The following TBCK variants were observed in gnomAD, a reference collection of about 807,000 sequenced individuals.
TBCK encodes TBC domain-containing protein kinase-like protein.
In TBCK, 99 loss-of-function variants were observed where a neutral mutation model predicts 113.4. That is an observed-to-expected ratio of 0.87 (90% CI 0.74 to 1.03). The LOEUF (loss-of-function observed/expected upper bound fraction) is 1.03, where lower values mean the gene tolerates loss of function less well. Among genes scored for constraint, TBCK ranks in the 50% least tolerant of loss-of-function variants. The pLI, the probability that TBCK is intolerant of heterozygous loss-of-function variation, is 0.00. For missense variants in TBCK, 1,045 were observed against 1,061.3 expected, an observed-to-expected ratio of 0.98 and a Z score of 0.21; for synonymous variants, 369 against 370.8, an observed-to-expected ratio of 1.00 and a Z score of 0.05.
At chr4:106,172,420 A>G (rs1751141773) in intron 22 of TBCK, among the ~76,000 whole-genome samples, 1 of 152,096 alleles carries the variant, frequency 6.6e-6, no homozygotes, top group Non-Finnish European at 1.5e-5. Flanking sequence ...CGAAAGTAGA[A>G]AGATCACAGA....
chr4:106,113,849 C>T (rs1430398541), intron 24 of TBCK, among the ~76,000 whole-genome samples: 1 of 152,190 alleles, frequency 6.6e-6, no homozygotes, highest in African/African-American at 2.4e-5. Context: ...TTGGGCCCAT[C>T]TCTTAGATAC....
chr4:106,259,857 C>T (rs1390172925), intron 5 of TBCK, among the ~76,000 whole-genome samples: 1 of 151,882 alleles, frequency 6.6e-6, no homozygotes, highest in Non-Finnish European at 1.5e-5. Flanking sequence ...CTTGAATATG[C>T]ATGAAACAAC....
rs1373777005 is a variant in TBCK, at chr4:106,260,455, T to A, written c.437A>T (p.Asp146Val). 2 of 1,384,210 alleles carry A rather than the reference T, an allele frequency of 1.4e-6. No homozygotes were observed. Among genetic ancestry groups the A allele is most frequent in the Non-Finnish European group, 9.6e-7 (1 of 1,045,342 alleles). The allele number at this position is 1,384,210 out of a possible 1,614,324, so 85.7% of individuals were successfully genotyped here. Residue 146 changes from aspartate to valine, a missense_variant, in exon 5 of 26, where the codon GAT becomes GTT. Asp to Val is a radical substitution (Grantham distance 152). Transcript: ENST00000394708. ...GLYHMTAHGD[D>V]VDFPIGYPSY... The stretch of plus-strand genomic sequence containing the variant: ...TCCTTACCCTATTGGGAAATCAACA[T>A]CATCACCATGAGCTGTCATGTGATA...
chr4:106,082,604 A>AAAAT (rs1368678558), intron 25 of TBCK, among the ~76,000 whole-genome samples: 1 of 152,198 alleles, frequency 6.6e-6, no homozygotes, highest in Non-Finnish European at 1.5e-5. Flanking sequence ...AATAGAAAAA[A>AAAAT]AAATAGAAAA....
At chr4:106,215,840 T>C (rs1337090672) in intron 19 of TBCK, among the ~76,000 whole-genome samples, 1 of 151,692 alleles carries the variant, frequency 6.6e-6, no homozygotes, top group African/African-American at 2.4e-5. Context: ...ACCCAGGAAT[T>C]GAACTCAGCT....
At position 106,289,022 on chromosome 4, in the gene TBCK, T is replaced by C. The variant is rs560088705; in HGVS notation, c.266+6072A>G. ...TACTCCAAAATCTGGGAAAAACAAA[T>C]CCCAAATCCGAAACACTTCTGGTCC... On this transcript the variant is annotated intron_variant, in intron 3 of 25. Coordinates refer to ENST00000394708, the MANE Select transcript of TBCK (RefSeq NM_001163435.3). Among the ~76,000 whole-genome samples the C allele has an allele frequency of 2.6e-4, 40 of 152,244 alleles. No homozygotes were observed. The South Asian group carries it at 7.7e-3, about 29-fold the overall frequency.
intron 23 of TBCK, among the ~76,000 whole-genome samples, chr4:106,120,685 G>A (rs1744217768): frequency 6.6e-6 from 1 of 152,166 alleles, no homozygotes; most frequent in African/African-American, 2.4e-5. Context: ...CTAACTGGGA[G>A]GCACCCCCCA....
intron 25 of TBCK, among the ~76,000 whole-genome samples, chr4:106,059,511 TG>T (rs972794037): frequency 2.0e-5 from 3 of 151,698 alleles, no homozygotes; most frequent in Admixed American, 6.6e-5. Flanking sequence ...GTAATTACTT[TG>T]GGGGATATGA....
At chr4:106,125,144 G>C (rs1745023564) in intron 23 of TBCK, among the ~76,000 whole-genome samples, 1 of 152,046 alleles carries the variant, frequency 6.6e-6, no homozygotes. Flanking sequence ...AATTAGTATA[G>C]CCACTATGGA....
intron 19 of TBCK, among the ~76,000 whole-genome samples, chr4:106,219,696 T>A (rs1475450976): frequency 6.6e-6 from 1 of 152,016 alleles, no homozygotes. Context: ...CATATTTCAA[T>A]GAGCTCAACT....
At chr4:106,102,995 G>C (rs185527633) in intron 24 of TBCK, among the ~76,000 whole-genome samples, 2 of 152,078 alleles carry the variant, frequency 1.3e-5, no homozygotes, top group Non-Finnish European at 2.9e-5. Context: ...TAAGCATTAA[G>C]AGTTACTGTA....
At chr4:106,196,244 T>G (rs964942618) in intron 20 of TBCK, among the ~76,000 whole-genome samples, 1 of 151,758 alleles carries the variant, frequency 6.6e-6, no homozygotes, top group Non-Finnish European at 1.5e-5. Flanking sequence ...CATTTTCAAA[T>G]TTTAGAAGGT....
At chr4:106,290,942 C>T (rs1226457002) in intron 3 of TBCK, among the ~76,000 whole-genome samples, 3 of 152,186 alleles carry the variant, frequency 2.0e-5, no homozygotes, top group Admixed American at 6.5e-5. Context: ...GGCAGTGATG[C>T]TAGCGCTGGG....
At chr4:106,227,545 T>G (rs902648251) in intron 19 of TBCK, among the ~76,000 whole-genome samples, 1 of 151,958 alleles carries the variant, frequency 6.6e-6, no homozygotes, top group African/African-American at 2.4e-5. Flanking sequence ...GAGATCCCAC[T>G]TACTCAGAAT....
intron 2 of TBCK, among the ~76,000 whole-genome samples, 173 bp from the exon 3 acceptor site, chr4:106,295,339 C>CT (rs1766184562): frequency 6.6e-6 from 1 of 152,118 alleles, no homozygotes. Flanking sequence ...TAATAAACAT[C>CT]TAATAAAACA....
intron 22 of TBCK, among the ~76,000 whole-genome samples, chr4:106,188,417 A>G (rs918258211): frequency 6.6e-6 from 1 of 152,212 alleles, no homozygotes; most frequent in Non-Finnish European, 1.5e-5. Context: ...AATCTAAGGC[A>G]CATATAAACA....
chr4:106,125,866 A>G (rs764600498), intron 23 of TBCK, among the ~76,000 whole-genome samples: 1 of 152,264 alleles, frequency 6.6e-6, no homozygotes, highest in Non-Finnish European at 1.5e-5. Flanking sequence ...ATAGTTAACA[A>G]TAATTTATTG....
At chr4:106,251,783 C>T in intron 6 of TBCK, 83 bp downstream of exon 6, 2 of 1,202,058 alleles carry the variant, frequency 1.7e-6, no homozygotes, top group Non-Finnish European at 2.2e-6. Flanking sequence ...CAAAAACATA[C>T]TATTATTAAC....
At chr4:106,156,178 G>A (rs1313995171) in intron 23 of TBCK, among the ~76,000 whole-genome samples, 2 of 152,088 alleles carry the variant, frequency 1.3e-5, no homozygotes, top group Non-Finnish European at 2.9e-5. Context: ...AGAATTCTCT[G>A]CAGAGACTGT....
Sources: gnomAD v4.1 joint callset for allele counts (sites outside exome capture counted in the v4.1 genomes callset) on GRCh38, gnomAD v4.1.1 for gene constraint, MANE v1.5 for transcripts, NCBI Gene and HGNC (gene_info 2026-07-23, HGNC 2026-07-21) for gene names.